NXPE2: variants seen among roughly 807,000 people sequenced by gnomAD.
The protein encoded by NXPE2 is neurexophilin and PC-esterase domain family member 2, also known as NXPE family member 2.
NXPE2 carries 34 observed loss-of-function variants against 34.4 expected under a neutral mutation model. That is an observed-to-expected ratio of 0.99 (90% CI 0.75 to 1.31). NXPE2 has a LOEUF of 1.31. NXPE2 is among the 40% of genes most tolerant of loss of function. The pLI is 0.00. For missense variants in NXPE2, 649 were observed against 672.5 expected (o/e 0.97, Z 0.39); for synonymous variants, 235 against 231.3 (o/e 1.02, Z -0.15).
At chr11:114,551,486 T>G in the NXPE2 span, 2 of 946,486 alleles carry the variant, frequency 2.1e-6, no homozygotes, top group Non-Finnish European at 2.6e-6. Context: ...CTTAATGCCC[T>G]CTGTATTTTC....
the NXPE2 span, chr11:114,513,316 G>A: frequency 3.1e-5 from 14 of 448,200 alleles, no homozygotes; most frequent in African/African-American, 2.8e-4. Flanking sequence ...GGATCAGCTG[G>A]TCTAGTTTCT....
At chr11:114,804,642 T>A in the NXPE2 span, among the ~76,000 whole-genome samples, 61 of 152,368 alleles carry the variant, frequency 4.0e-4, 1 homozygote, top group Middle Eastern at 3.4e-3. Flanking sequence ...AGAGAAGTCT[T>A]CATTTTTGTC....
the NXPE2 span, among the ~76,000 whole-genome samples, chr11:114,606,785 G>A: frequency 2.6e-5 from 4 of 151,632 alleles, no homozygotes; most frequent in African/African-American, 9.7e-5. Context: ...TTATCCAGTC[G>A]ATAATAGGTA....
At chr11:114,741,026 C>T in the NXPE2 span, among the ~76,000 whole-genome samples, 1 of 152,166 alleles carries the variant, frequency 6.6e-6, no homozygotes, top group Non-Finnish European at 1.5e-5. Flanking sequence ...TGAACTTCTT[C>T]AGCTTTCCTT....
the NXPE2 span, among the ~76,000 whole-genome samples, chr11:114,524,851 C>T: frequency 6.6e-6 from 1 of 152,076 alleles, no homozygotes; most frequent in Non-Finnish European, 1.5e-5. Context: ...TAAGCTTGAG[C>T]ATTTTGAACA....
At chr11:114,521,906 A>G in the NXPE2 span, 1 of 1,253,142 alleles carries the variant, frequency 8.0e-7, no homozygotes, top group Non-Finnish European at 1.1e-6. Flanking sequence ...AACTTACTTT[A>G]CAATACATGT....
the NXPE2 span, among the ~76,000 whole-genome samples, chr11:114,564,315 T>G: frequency 6.6e-6 from 1 of 152,048 alleles, no homozygotes; most frequent in African/African-American, 2.4e-5. Flanking sequence ...GGGGGAAAGG[T>G]TGATAGCGAG....
At chr11:114,770,344 C>G in the NXPE2 span, among the ~76,000 whole-genome samples, 2 of 152,218 alleles carry the variant, frequency 1.3e-5, no homozygotes, top group East Asian at 3.9e-4. Flanking sequence ...GCTGCACTGT[C>G]TTTCCAGAGT....
At chr11:114,468,699 T>C in the NXPE2 span, among the ~76,000 whole-genome samples, 2 of 152,184 alleles carry the variant, frequency 1.3e-5, no homozygotes, top group Non-Finnish European at 2.9e-5. Flanking sequence ...CACAACAGAT[T>C]ATCAGTCCCC....
At chr11:114,774,905 G>C in the NXPE2 span, among the ~76,000 whole-genome samples, 8 of 152,164 alleles carry the variant, frequency 5.3e-5, no homozygotes, top group African/African-American at 1.9e-4. Flanking sequence ...GGTACCTATG[G>C]CTGGACATTT....
the NXPE2 span, among the ~76,000 whole-genome samples, chr11:114,615,807 T>G: frequency 6.6e-6 from 1 of 151,692 alleles, no homozygotes; most frequent in African/African-American, 2.4e-5. Context: ...TAATAAGTAT[T>G]GCATCCTGGG....
the NXPE2 span, among the ~76,000 whole-genome samples, chr11:114,720,825 A>G: frequency 6.6e-6 from 1 of 152,208 alleles, no homozygotes; most frequent in African/African-American, 2.4e-5. Flanking sequence ...ATTCAGGTCC[A>G]GGCACAGTTG....
the NXPE2 span, among the ~76,000 whole-genome samples, chr11:114,804,030 T>C: frequency 4.6e-5 from 7 of 152,176 alleles, no homozygotes; most frequent in Admixed American, 4.6e-4. Flanking sequence ...ATTCAGACCA[T>C]AGCAGTCCTC....
the NXPE2 span, among the ~76,000 whole-genome samples, chr11:114,649,211 T>A: frequency 6.6e-6 from 1 of 152,050 alleles, no homozygotes; most frequent in African/African-American, 2.4e-5. Context: ...CTTGATTGGG[T>A]CATTTTAGTT....
At chr11:114,687,988 T>C (rs1040911706) in intron 2 of NXPE2, among the ~76,000 whole-genome samples, 1 of 152,108 alleles carries the variant, frequency 6.6e-6, no homozygotes, top group African/African-American at 2.4e-5. Flanking sequence ...TAGGAGTCTT[T>C]TGGCATTACC....
At chr11:114,746,383 G>A in the NXPE2 span, among the ~76,000 whole-genome samples, 8 of 152,220 alleles carry the variant, frequency 5.3e-5, no homozygotes, top group East Asian at 5.8e-4. Flanking sequence ...AAAACACCTC[G>A]TAGAAGTCAA....
the NXPE2 span, among the ~76,000 whole-genome samples, chr11:114,575,422 G>A: frequency 5.5e-3 from 833 of 152,108 alleles, 16 homozygotes; most frequent in African/African-American, 0.019. Context: ...CTCATGATAT[G>A]ATAGTATACC....
the NXPE2 span, among the ~76,000 whole-genome samples, chr11:114,537,065 C>A: frequency 1.3e-5 from 2 of 152,138 alleles, no homozygotes; most frequent in Non-Finnish European, 2.9e-5. Flanking sequence ...AGCAACACAT[C>A]AAAAAGCTTA....
At position 114,698,445 on chromosome 11, in the gene NXPE2, G is replaced by A; in HGVS notation, c.533G>A (p.Ser178Asn). ...TTCAACAACGGCACCTACCTGGTCA[G>A]CTTCACTCTGTTCTGGGAGGGCCAG... ...TDFNNGTYLV[S>N]FTLFWEGQVS... The change falls in exon 3 of 6, where the codon AGC becomes AAC. Residue 178 changes from serine (S) to asparagine (N), a missense_variant. Coordinates refer to ENST00000389586, the MANE Select transcript of NXPE2 (RefSeq NM_182495.6). The A allele has an allele frequency of 6.2e-7, 1 of 1,613,998 alleles. No homozygotes were observed. Among genetic ancestry groups the A allele is most frequent in the Non-Finnish European group, 8.5e-7 (1 of 1,179,914 alleles).
Sources: gnomAD v4.1 joint callset for allele counts (sites outside exome capture counted in the v4.1 genomes callset) on GRCh38, gnomAD v4.1.1 for gene constraint, MANE v1.5 for transcripts, NCBI Gene and HGNC (gene_info 2026-07-23, HGNC 2026-07-21) for gene names.